GRIN2A: variants seen among roughly 807,000 people sequenced by gnomAD.
GRIN2A encodes the protein glutamate receptor ionotropic, NMDA 2A.
GRIN2A carries 22 observed loss-of-function variants against 113.4 expected under a neutral mutation model. That is an observed-to-expected ratio of 0.19 (90% CI 0.14 to 0.28). The LOEUF (loss-of-function observed/expected upper bound fraction) is 0.28, where lower values mean the gene tolerates loss of function less well. GRIN2A is among the 10% of genes least tolerant of loss of function. GRIN2A has a pLI of 1.00. For missense variants in GRIN2A, 1,502 were observed against 1,887.0 expected, an observed-to-expected ratio of 0.80 and a Z score of 3.78; for synonymous variants, 827 against 738.4, an observed-to-expected ratio of 1.12 and a Z score of -1.94.
chr16:10,174,523 T>C (rs2050105716), intron 2 of GRIN2A, among the ~76,000 whole-genome samples: 1 of 152,150 alleles, frequency 6.6e-6, no homozygotes, highest in African/African-American at 2.4e-5. Flanking sequence ...GCTAGAGCAA[T>C]CAGAGAAGAA....
intron 2 of GRIN2A, among the ~76,000 whole-genome samples, chr16:10,012,590 C>T (rs1024065569): frequency 2.6e-5 from 4 of 152,234 alleles, no homozygotes; most frequent in African/African-American, 9.6e-5. Flanking sequence ...TCCCTGGAAC[C>T]TGTGAATATG....
chr16:9,836,452 G>T (rs2042584964), intron 7 of GRIN2A, among the ~76,000 whole-genome samples: 1 of 152,202 alleles, frequency 6.6e-6, no homozygotes, highest in African/African-American at 2.4e-5. Flanking sequence ...TATCCTATGT[G>T]CATGTAAGAA....
At chr16:10,095,024 A>G (rs895559049) in intron 2 of GRIN2A, among the ~76,000 whole-genome samples, 5 of 152,100 alleles carry the variant, frequency 3.3e-5, no homozygotes, top group African/African-American at 1.2e-4. Context: ...AAATGAGGTC[A>G]TAAGAGTAGG....
intron 4 of GRIN2A, among the ~76,000 whole-genome samples, chr16:9,875,113 A>G (rs1227530770): frequency 7.3e-6 from 1 of 137,246 alleles, no homozygotes; most frequent in East Asian, 2.0e-4. Flanking sequence ...ATCTTGCCTC[A>G]GTCCCCACAA....
chr16:9,907,123 T>C lies in GRIN2A; in HGVS notation c.1008-16023A>G, dbSNP rs938109565. On this transcript the variant is annotated intron_variant, in intron 3 of 12. Coordinates refer to ENST00000330684, the MANE Select transcript of GRIN2A (RefSeq NM_001134407.3). ...TCACGATGCCTGACCACAAAAGTCTTGTTTTTCTATTCAGCCATCGAAGGA... is the reference window on the plus strand; with the variant it reads ...TCACGATGCCTGACCACAAAAGTCTCGTTTTTCTATTCAGCCATCGAAGGA... 4.6e-5 allele frequency among the ~76,000 whole-genome samples: 7 copies of C among 152,314 alleles called. 1 individual carries two copies. In the East Asian group the frequency reaches 9.7e-4, roughly 21 times the overall value.
intron 2 of GRIN2A, among the ~76,000 whole-genome samples, chr16:10,035,574 G>A (rs570172704): frequency 2.2e-4 from 33 of 152,256 alleles, no homozygotes; most frequent in African/African-American, 7.5e-4. Context: ...TAGGCCAGGG[G>A]CTTTCAAACT....
At chr16:9,979,080 C>A (rs574452772) in intron 2 of GRIN2A, among the ~76,000 whole-genome samples, 26 of 152,298 alleles carry the variant, frequency 1.7e-4, no homozygotes, top group Admixed American at 4.6e-4. Context: ...ACAGCTTAAA[C>A]TGACCCCTCT....
In GRIN2A at chr16:10,020,633, T is replaced by C. The variant is rs552258935; in HGVS notation, c.415-82082A>G. On this transcript the variant is annotated intron_variant, in intron 2 of 12. Coordinates refer to ENST00000330684, the MANE Select transcript of GRIN2A (RefSeq NM_001134407.3). ...CAAGAGAGTCATACTAGCTATACGA[T>C]ACAAGGTTAATTGTTCTGATTCTCA... Among the ~76,000 whole-genome samples, 7 of 152,244 alleles carry C rather than the reference T, an allele frequency of 4.6e-5. No homozygotes were observed. The South Asian group carries it at 1.5e-3, about 32-fold the overall frequency.
At chr16:9,868,670 G>A (rs796571027) in intron 4 of GRIN2A, among the ~76,000 whole-genome samples, 4 of 152,260 alleles carry the variant, frequency 2.6e-5, no homozygotes, top group African/African-American at 9.6e-5. Flanking sequence ...GAAAATGCCT[G>A]ACCATGGTCT....
At chr16:9,879,911 G>A (rs141350189) in intron 4 of GRIN2A, among the ~76,000 whole-genome samples, 104 of 152,268 alleles carry the variant, frequency 6.8e-4, no homozygotes, top group African/African-American at 2.3e-3. Context: ...ACTGAATTAA[G>A]TGCCATAACC....
intron 3 of GRIN2A, among the ~76,000 whole-genome samples, chr16:9,905,414 G>T (rs1051608279): frequency 2.0e-5 from 3 of 152,280 alleles, no homozygotes; most frequent in African/African-American, 7.2e-5. Context: ...GAACTGGGCA[G>T]ATAATATCAA....
chr16:10,118,317 A>C (rs1034596999), intron 2 of GRIN2A, among the ~76,000 whole-genome samples: 8 of 152,050 alleles, frequency 5.3e-5, no homozygotes, highest in Admixed American at 3.3e-4. Flanking sequence ...TGTCACTTAT[A>C]TCTCTGGCTA....
Position 9,870,855 on chromosome 16 carries a change from C to T in GRIN2A, c.1122+20131G>A, listed in dbSNP as rs1160410646. ...GTTTCACTGTGTTGCCCAGGTTGGT[C>T]TCGAACTCCTGAGCTCAGGCAATTC... On this transcript the variant is annotated intron_variant, in intron 4 of 12. Coordinates refer to ENST00000330684, the MANE Select transcript of GRIN2A (RefSeq NM_001134407.3). 2.0e-5 allele frequency among the ~76,000 whole-genome samples: 3 copies of T among 152,174 alleles called. No homozygotes were observed. In the East Asian group the frequency reaches 5.8e-4, roughly 29 times the overall value.
chr16:10,096,693 C>T (rs2048299707), intron 2 of GRIN2A, among the ~76,000 whole-genome samples: 1 of 152,098 alleles, frequency 6.6e-6, no homozygotes, highest in South Asian at 2.1e-4. Context: ...ACTGTTCTAA[C>T]TATCAGTTCT....
At chr16:9,776,453 C>G (rs913753878) in intron 11 of GRIN2A, among the ~76,000 whole-genome samples, 11 of 152,162 alleles carry the variant, frequency 7.2e-5, no homozygotes, top group Non-Finnish European at 1.0e-4. Context: ...ACACAAGGCT[C>G]CTGTCTCCTT....
chr16:10,181,619 C>T lies in GRIN2A; in HGVS notation c.-19+258G>A, dbSNP rs113189506. The stretch of plus-strand genomic sequence containing the variant: ...ATACCAGCACGGTCGTGCACGCGTG[C>T]CCTGACGCGCGCCTCTCGGGACGGA... On this transcript the variant is annotated intron_variant, in intron 1 of 12. Transcript: ENST00000330684. 695 of 152,442 alleles carry T rather than the reference C, an allele frequency of 4.6e-3. 4 individuals carry two copies. Among genetic ancestry groups the T allele is most frequent in the Non-Finnish European group, 7.2e-3 (487 of 68,096 alleles). The allele number at this position is 152,442 out of a possible 1,614,324, so 9.4% of individuals were successfully genotyped here.
At chr16:9,978,750 T>A (rs150740251) in intron 2 of GRIN2A, among the ~76,000 whole-genome samples, 1 of 152,176 alleles carries the variant, frequency 6.6e-6, no homozygotes, top group Admixed American at 6.5e-5. Context: ...CCTTGGAAGA[T>A]GAAAGCAAGT....
intron 2 of GRIN2A, among the ~76,000 whole-genome samples, chr16:10,076,729 G>A (rs1450294111): frequency 6.6e-6 from 1 of 152,170 alleles, no homozygotes; most frequent in Non-Finnish European, 1.5e-5. Flanking sequence ...AAATATGGAA[G>A]AGTCGAGAGC....
intron 11 of GRIN2A, among the ~76,000 whole-genome samples, chr16:9,770,340 A>C (rs1006452150): frequency 6.6e-6 from 1 of 152,238 alleles, no homozygotes; most frequent in Admixed American, 6.5e-5. Flanking sequence ...TGTTTATATC[A>C]ATTCTCTTTG....
Sources: allele counts gnomAD v4.1 joint callset (sites outside exome capture counted in the v4.1 genomes callset), GRCh38; gene constraint gnomAD v4.1.1; transcripts MANE v1.5; gene names NCBI Gene and HGNC (gene_info 2026-07-23, HGNC 2026-07-21).